Variants in YKT6 observed in about 807,000 individuals in gnomAD.
The protein encoded by YKT6 is YKT6 vesicular SNARE protein.
YKT6 carries 12 observed loss-of-function variants against 29.3 expected under a neutral mutation model. The ratio of observed to expected loss-of-function variants is 0.41; its 90% CI spans 0.26 to 0.66. The LOEUF (loss-of-function observed/expected upper bound fraction) is 0.66. Among genes scored for constraint, YKT6 ranks in the 30% least tolerant of loss-of-function variants. The probability of loss-of-function intolerance (pLI) is 0.32; values close to 1 mark genes in which losing one functional copy is unlikely to be tolerated. For missense variants in YKT6, 188 were observed against 243.8 expected (o/e 0.77, Z 1.52); for synonymous variants, 86 against 94.3 (o/e 0.91, Z 0.51).
chr7:44,201,544 A>T (rs2096335748), intron 1 of YKT6, among the ~76,000 whole-genome samples: 2 of 152,186 alleles, frequency 1.3e-5, no homozygotes. Flanking sequence ...ACCATTCTAG[A>T]ATATAGTTCT....
intron 6 of YKT6, chr7:44,211,645 G>GC: frequency 1.0e-6 from 1 of 997,752 alleles, no homozygotes; most frequent in Non-Finnish European, 1.2e-6. Context: ...GGCACTGTTG[G>GC]CCCATGGTTG....
chr7:44,208,342 C>G (rs569082709), intron 5 of YKT6, 144 bp downstream of exon 5: 166 of 809,042 alleles, frequency 2.1e-4, no homozygotes, highest in Middle Eastern at 9.2e-4. Context: ...CCCCTTCCCC[C>G]ACCCCGGGCA....
chr7:44,211,617 G>A (rs1404113777), intron 6 of YKT6: 2 of 1,005,500 alleles, frequency 2.0e-6, no homozygotes, highest in Admixed American at 1.1e-4. Flanking sequence ...CAGTGCTCAT[G>A]TCTTCCTATG....
At position 44,212,440 on chromosome 7, in the gene YKT6, G is replaced by T; in HGVS notation, c.*158G>T. Reference sequence around the variant, plus strand: ...CCTGCGAGAAATGGATGGTGGAAGGGTGGCGAATGTTCAAATTCATATGTG... The same window carrying T: ...CCTGCGAGAAATGGATGGTGGAAGGTTGGCGAATGTTCAAATTCATATGTG... On this transcript the variant is annotated 3_prime_UTR_variant, in exon 7 of 7. Transcript: ENST00000223369. 1 of 899,186 alleles carries T rather than the reference G, an allele frequency of 1.1e-6. No homozygotes were observed. The highest frequency in any genetic ancestry group is 1.7e-5 in the South Asian group (1 of 60,420). 55.7% of individuals were successfully genotyped at this position (899,186 alleles called of 1,614,324 possible). A position where few individuals can be genotyped will look rare whatever the true frequency, so the allele number is the denominator to read the frequency against.
intron 5 of YKT6, among the ~76,000 whole-genome samples, chr7:44,210,278 G>T (rs947556075): frequency 6.6e-6 from 1 of 152,138 alleles, no homozygotes; most frequent in African/African-American, 2.4e-5. Flanking sequence ...TAGCTCTGTG[G>T]GCCTGGCTGG....
At position 44,201,063 on chromosome 7, in the gene YKT6, G is replaced by A; in HGVS notation, c.-73G>A. ...GCCGGTAGGCGGCGGCGGTCCCGAG[G>A]GGCGGCGGCCGCGCTGCTCCCTGAG... On this transcript the variant is annotated 5_prime_UTR_variant, in exon 1 of 7. Transcript: ENST00000223369. 1.5e-6 allele frequency: 2 copies of A among 1,362,344 alleles called. No individual in the cohort carries two copies. The highest frequency in any genetic ancestry group is 2.0e-6 in the Non-Finnish European group (2 of 1,018,436). 84.4% of individuals were successfully genotyped at this position (1,362,344 alleles called of 1,614,324 possible).
chr7:44,202,682 G>T (rs1274890273), intron 1 of YKT6, among the ~76,000 whole-genome samples: 2 of 152,170 alleles, frequency 1.3e-5, no homozygotes, highest in African/African-American at 4.8e-5. Flanking sequence ...GGACACCTGG[G>T]TTGCTTCCAC....
At position 44,206,446 on chromosome 7, in the gene YKT6, T is replaced by C; in HGVS notation, c.249T>C (p.Asn83=). The C allele has an allele frequency of 6.2e-7, 1 of 1,614,086 alleles. No individual in the cohort carries two copies. Among genetic ancestry groups the C allele is most frequent in the Non-Finnish European group, 8.5e-7 (1 of 1,180,046 alleles). Reference sequence around the variant, plus strand: ...TTGCAGGTGTGGTCATTGCTGACAATGAATACCCATCCCGGGTGGCCTTTA... The same window carrying C: ...TTGCAGGTGTGGTCATTGCTGACAACGAATACCCATCCCGGGTGGCCTTTA... The part of the protein sequence containing the change: ...DSLAGVVIAD[N]EYPSRVAFTL... The change falls in exon 3 of 7, where the codon AAT becomes AAC. Residue 83 remains asparagine, a synonymous_variant. Transcript: ENST00000223369.
In YKT6 at chr7:44,201,175, G is replaced by T. The variant is rs1260480876; in HGVS notation, c.40G>T (p.Ala14Ser). ...YSLSVLYKGE[A>S]KVVLLKAAYD... ...CCTCAGCGTCCTCTACAAAGGCGAG[G>T]CCAAGGTGGTGCTGCTCAAAGCCGC... Residue 14 changes from alanine to serine, a missense_variant, in exon 1 of 7, where the codon GCC (alanine) becomes TCC (serine). Around this residue, in one of 3 missense-constraint regions of YKT6, gnomAD observed 71 missense variants for 67.3 expected, o/e 1.05. Coordinates refer to ENST00000223369, the MANE Select transcript of YKT6 (RefSeq NM_006555.4). 1 of 1,612,528 alleles carries T rather than the reference G, an allele frequency of 6.2e-7. No individual in the cohort carries two copies. Among genetic ancestry groups the T allele is most frequent in the Non-Finnish European group, 8.5e-7 (1 of 1,179,316 alleles).
intron 2 of YKT6, 119 bp from the exon 3 acceptor site, chr7:44,206,266 C>G: frequency 1.0e-6 from 1 of 955,652 alleles, no homozygotes; most frequent in Non-Finnish European, 1.6e-6. Flanking sequence ...TTGCCCAGAG[C>G]TATTGAGCTT....
intron 1 of YKT6, 65 bp downstream of exon 1, chr7:44,201,304 C>A: frequency 2.2e-6 from 2 of 904,238 alleles, no homozygotes; most frequent in South Asian, 1.5e-5. Flanking sequence ...GGGTCCGAGT[C>A]GGAGTGGGCC....
chr7:44,204,444 G>A (rs2096338823), intron 1 of YKT6, 124 bp from the exon 2 acceptor site: 1 of 760,706 alleles, frequency 1.3e-6, no homozygotes, highest in Middle Eastern at 2.4e-4. Flanking sequence ...TACTAGGGAT[G>A]GGAGGGAAAG....
intron 1 of YKT6, among the ~76,000 whole-genome samples, chr7:44,203,196 T>C (rs1814253): frequency 0.84 from 127,652 of 152,142 alleles, 53,679 homozygotes; most frequent in African/African-American, 0.9. Context: ...TGGGTTCAAG[T>C]GATTCTCCTG....
chr7:44,208,875 T>C (rs887360205), intron 5 of YKT6, among the ~76,000 whole-genome samples: 1 of 152,162 alleles, frequency 6.6e-6, no homozygotes, highest in African/African-American at 2.4e-5. Flanking sequence ...AGAGTAGTCA[T>C]TGATCTGCAC....
At position 44,201,379 on chromosome 7, in the gene YKT6, C is replaced by G; in HGVS notation, c.104+140C>G. 2 of 143,434 alleles carry G rather than the reference C, an allele frequency of 1.4e-5. 1 individual carries two copies. The highest frequency in any genetic ancestry group is 2.2e-5 in the Non-Finnish European group (2 of 91,864). 8.9% of individuals were successfully genotyped at this position (143,434 alleles called of 1,614,324 possible). ...AAGGGTAGGGGCAGGGCGGGGTGGC[C>G]GAGTGCCCGGGGTCTGAGAAGGCTG... is the stretch of plus-strand genomic sequence containing the variant. On this transcript the variant is annotated intron_variant, in intron 1 of 6. Coordinates refer to ENST00000223369, the MANE Select transcript of YKT6 (RefSeq NM_006555.4).
intron 6 of YKT6, 46 bp from the exon 7 acceptor site, chr7:44,212,201 T>A: frequency 6.2e-7 from 1 of 1,613,566 alleles, no homozygotes; most frequent in Non-Finnish European, 8.5e-7. Context: ...GGGCTTCCCT[T>A]ACTTCGTCAG....
intron 6 of YKT6, 106 bp from the exon 7 acceptor site, chr7:44,212,141 C>G (rs914433339): frequency 4.4e-6 from 6 of 1,378,990 alleles, no homozygotes; most frequent in Non-Finnish European, 6.2e-6. Context: ...GCTAGTTTCT[C>G]TGCCTGGCTG....
intron 4 of YKT6, 23 bp from the exon 5 acceptor site, chr7:44,208,110 T>C: frequency 6.2e-6 from 10 of 1,613,252 alleles, no homozygotes; most frequent in Non-Finnish European, 8.5e-6. Context: ...GTCCTGACTT[T>C]ATTATTTTTC....
intron 5 of YKT6, 83 bp from the exon 6 acceptor site, chr7:44,210,940 C>G: frequency 6.8e-7 from 1 of 1,470,222 alleles, no homozygotes; most frequent in Non-Finnish European, 9.5e-7. Context: ...AGGTAAGGCA[C>G]TTTCCCCCAT....
Sources: gnomAD v4.1 joint callset for allele counts (sites outside exome capture counted in the v4.1 genomes callset) on GRCh38, gnomAD v4.1.1 for gene constraint, gnomAD v4.1.1 regional missense constraint, MANE v1.5 for transcripts, NCBI Gene and HGNC (gene_info 2026-07-23, HGNC 2026-07-21) for gene names.